Variants in EPHA7 observed in about 807,000 individuals in gnomAD.
EPHA7 encodes the protein ephrin type-A receptor 7.
Under a neutral mutation model 112.6 loss-of-function variants are expected in EPHA7, and 25 were observed. That is an observed-to-expected ratio of 0.22 (90% CI 0.16 to 0.31). EPHA7 has a LOEUF of 0.31. EPHA7 is among the 10% of genes least tolerant of loss of function. The probability of loss-of-function intolerance (pLI) is 1.00; values close to 1 mark genes in which losing one functional copy is unlikely to be tolerated. For synonymous variants in EPHA7, 437 were observed against 406.5 expected, an observed-to-expected ratio of 1.07 and a Z score of -0.90; for missense variants, 962 against 1,212.6, an observed-to-expected ratio of 0.79 and a Z score of 3.07.
chr6:93,404,349 A>G (rs977237544), intron 3 of EPHA7, among the ~76,000 whole-genome samples: 2 of 151,990 alleles, frequency 1.3e-5, no homozygotes, highest in Non-Finnish European at 2.9e-5. Context: ...ACCTTTCAAG[A>G]TGTTCTGAAA....
At chr6:93,267,229 T>G (rs2127873555) in intron 7 of EPHA7, among the ~76,000 whole-genome samples, 1 of 151,830 alleles carries the variant, frequency 6.6e-6, no homozygotes, top group Admixed American at 6.6e-5. Flanking sequence ...GGATGGAAAA[T>G]TTTGAGAAAG....
At chr6:93,365,885 GTTAT>G (rs747937962) in intron 3 of EPHA7, among the ~76,000 whole-genome samples, 2 of 152,098 alleles carry the variant, frequency 1.3e-5, no homozygotes, top group Non-Finnish European at 2.9e-5. Flanking sequence ...ATTAATTTGT[GTTAT>G]TTAATTATTT....
At chr6:93,246,765 G>T (rs778814784) in intron 15 of EPHA7, 27 bp downstream of exon 15, 1 of 1,560,374 alleles carries the variant, frequency 6.4e-7, no homozygotes, top group Non-Finnish European at 8.8e-7. Flanking sequence ...ATTTCTCCCA[G>T]ATTCCATTCC....
chr6:93,262,111 C>T (rs1454945951), intron 9 of EPHA7, among the ~76,000 whole-genome samples: 1 of 151,442 alleles, frequency 6.6e-6, no homozygotes, highest in African/African-American at 2.4e-5. Flanking sequence ...GAACTACAGT[C>T]TTATATTACT....
At chr6:93,286,212 A>G (rs767304964) in intron 5 of EPHA7, among the ~76,000 whole-genome samples, 2 of 152,040 alleles carry the variant, frequency 1.3e-5, no homozygotes. Context: ...ATGGGCATCT[A>G]TGTTTTATTC....
intron 3 of EPHA7, among the ~76,000 whole-genome samples, chr6:93,383,195 G>GTA (rs1345363908): frequency 4.0e-5 from 6 of 151,036 alleles, no homozygotes; most frequent in South Asian, 2.1e-4. Flanking sequence ...GTGTGTGTGT[G>GTA]TATATATATA....
In EPHA7 at chr6:93,255,965, A is replaced by G. The variant is rs1171868675; in HGVS notation, c.2245T>C (p.Leu749=). Residue 749 remains leucine, a synonymous_variant, in exon 13 of 17, where the codon TTG becomes CTG. Transcript: ENST00000369303. ...LRGIAAGMRY[L]ADMGYVHRDL... is the part of the protein sequence containing the mutation. ...CTGTGAACATATCCCATATCAGCCA[A>G]ATATCTCATTCCAGCAGCAATTCCT... is the stretch of plus-strand genomic sequence containing the variant. 20 of 1,613,938 alleles carry G rather than the reference A, an allele frequency of 1.2e-5. No homozygotes were observed. Among genetic ancestry groups the G allele is most frequent in the Non-Finnish European group, 1.6e-5 (19 of 1,180,012 alleles).
At chr6:93,390,167 A>C (rs936360273) in intron 3 of EPHA7, among the ~76,000 whole-genome samples, 2 of 151,788 alleles carry the variant, frequency 1.3e-5, no homozygotes, top group Non-Finnish European at 1.5e-5. Context: ...ACATTTAAAG[A>C]AATAAGAAAA....
intron 5 of EPHA7, among the ~76,000 whole-genome samples, chr6:93,274,080 C>A (rs927420426): frequency 1.3e-5 from 2 of 151,940 alleles, no homozygotes; most frequent in East Asian, 3.9e-4. Context: ...AGTTGCTGGT[C>A]TCTGATCAGA....
chr6:93,240,633 A>G lies in EPHA7; in HGVS notation c.*2793T>C, dbSNP rs1769650774. On this transcript the variant is annotated 3_prime_UTR_variant, in exon 17 of 17. Transcript: ENST00000369303. ...TCAAGTGTGAGGACAGTGTTCTAAA[A>G]AAGGTGGCTCTATTAAAGCAAGGAG... is the stretch of plus-strand genomic sequence containing the variant. 3 of 216,218 alleles carry G rather than the reference A, an allele frequency of 1.4e-5. No individual in the cohort carries two copies. The East Asian group carries it at 2.1e-4, about 15-fold the overall frequency. 13.4% of individuals were successfully genotyped at this position (216,218 alleles called of 1,614,324 possible).
At chr6:93,261,965 A>C (rs780166363) in intron 9 of EPHA7, among the ~76,000 whole-genome samples, 30 of 151,664 alleles carry the variant, frequency 2.0e-4, no homozygotes, top group Non-Finnish European at 1.3e-4. Flanking sequence ...AAAAGTAAAT[A>C]AACTGGTGTA....
At chr6:93,416,974 G>C (rs1263801917) in intron 1 of EPHA7, among the ~76,000 whole-genome samples, 2 of 152,206 alleles carry the variant, frequency 1.3e-5, no homozygotes, top group Admixed American at 6.5e-5. Context: ...CCAGGGAGCC[G>C]GTGGCGCCCT....
intron 3 of EPHA7, among the ~76,000 whole-genome samples, chr6:93,392,884 T>TTAAA (rs1431938501): frequency 6.6e-6 from 1 of 151,890 alleles, no homozygotes; most frequent in Non-Finnish European, 1.5e-5. Flanking sequence ...ATCAATTTTC[T>TTAAA]TAAATATTTT....
chr6:93,266,343 T>G (rs1389022778), intron 7 of EPHA7, among the ~76,000 whole-genome samples: 1 of 151,658 alleles, frequency 6.6e-6, no homozygotes, highest in Non-Finnish European at 1.5e-5. Context: ...CTGCTTGTCT[T>G]AGGCTCAGTT....
intron 5 of EPHA7, among the ~76,000 whole-genome samples, chr6:93,332,950 TG>T (rs1349105743): frequency 1.3e-5 from 2 of 151,676 alleles, no homozygotes; most frequent in Non-Finnish European, 3.0e-5. Flanking sequence ...TTTTGGGTCA[TG>T]GTTGTTTGGT....
At chr6:93,285,540 A>T (rs1772018820) in intron 5 of EPHA7, among the ~76,000 whole-genome samples, 1 of 152,238 alleles carries the variant, frequency 6.6e-6, no homozygotes, top group South Asian at 2.1e-4. Context: ...AATCGAAAAC[A>T]ATTCTGTTTT....
chr6:93,419,259 T>G lies in EPHA7; in HGVS notation c.83A>C (p.Gln28Pro). 1 of 1,613,540 alleles carries G rather than the reference T, an allele frequency of 6.2e-7. No homozygotes were observed. The highest frequency in any genetic ancestry group is 8.5e-7 in the Non-Finnish European group (1 of 1,179,698). Reference protein sequence around the residue: ...LLRFAHTGEAQAAKEVLLLDS... With the variant: ...LLRFAHTGEAPAAKEVLLLDS... ...CATCACCTTACCTTCCTTCGCAGCC[T>G]GCGCCTCCCCTGTGTGTGCAAAGCG... The change falls in exon 1 of 17, where the codon CAG becomes CCG. Residue 28 changes from glutamine (Q) to proline (P), a missense_variant. By Grantham distance (76) the Gln-to-Pro change is moderately conservative. This residue lies in a region of EPHA7 where 56 missense variants were observed against 59.9 expected (regional missense o/e 0.94). Transcript: ENST00000369303.
At chr6:93,400,029 A>T (rs1160304908) in intron 3 of EPHA7, among the ~76,000 whole-genome samples, 1 of 152,074 alleles carries the variant, frequency 6.6e-6, no homozygotes, top group Non-Finnish European at 1.5e-5. Context: ...TGTGTTATAA[A>T]GAGTGTATCA....
At chr6:93,402,174 G>A (rs551266692) in intron 3 of EPHA7, among the ~76,000 whole-genome samples, 3 of 151,922 alleles carry the variant, frequency 2.0e-5, no homozygotes, top group East Asian at 1.9e-4. Flanking sequence ...ATTTCCTTCC[G>A]TATTTCCTTA....
Sources: gnomAD v4.1 joint callset for allele counts (sites outside exome capture counted in the v4.1 genomes callset) on GRCh38, gnomAD v4.1.1 for gene constraint, gnomAD v4.1.1 regional missense constraint, MANE v1.5 for transcripts, NCBI Gene and HGNC (gene_info 2026-07-23, HGNC 2026-07-21) for gene names.